Variants in ITPR2 observed in about 807,000 individuals in gnomAD.
ITPR2 encodes inositol 1,4,5-trisphosphate-gated calcium channel ITPR2.
Under a neutral mutation model 317.1 loss-of-function variants are expected in ITPR2, and 207 were observed. The ratio of observed to expected loss-of-function variants is 0.65; its 90% CI spans 0.58 to 0.73. The LOEUF is 0.73. Ranked by LOEUF, ITPR2 falls within the 30% of genes least tolerant of loss-of-function variation. The probability of loss-of-function intolerance (pLI) is 0.00; values close to 1 mark genes in which losing one functional copy is unlikely to be tolerated. For synonymous variants in ITPR2, 1,156 were observed against 1,149.1 expected (o/e 1.01, Z -0.12); for missense variants, 2,613 against 3,284.0 (o/e 0.80, Z 4.99).
intron 13 of ITPR2, among the ~76,000 whole-genome samples, chr12:26,680,416 A>C (rs898270083): frequency 3.3e-5 from 5 of 152,202 alleles, no homozygotes; most frequent in Non-Finnish European, 2.9e-5. Context: ...ATTTTATTAC[A>C]TCATTAAAAT....
intron 48 of ITPR2, among the ~76,000 whole-genome samples, chr12:26,430,005 T>C (rs780169907): frequency 6.6e-6 from 1 of 152,220 alleles, no homozygotes; most frequent in African/African-American, 2.4e-5. Context: ...TGCTGAGATA[T>C]CCCCTTGATC....
chr12:26,486,046 T>A (rs1942656955), intron 41 of ITPR2, 58 bp downstream of exon 41: 1 of 1,573,588 alleles, frequency 6.4e-7, no homozygotes, highest in African/African-American at 1.4e-5. Flanking sequence ...TTATTTGAAT[T>A]TAATTACTGA....
intron 2 of ITPR2, among the ~76,000 whole-genome samples, chr12:26,772,303 C>T (rs943984443): frequency 2.7e-5 from 4 of 150,600 alleles, no homozygotes; most frequent in South Asian, 2.1e-4. Flanking sequence ...CCTCATCACT[C>T]GAAACAGGAA....
chr12:26,411,599 G>C (rs1455761016), intron 51 of ITPR2, among the ~76,000 whole-genome samples, 187 bp from the exon 52 acceptor site: 1 of 152,180 alleles, frequency 6.6e-6, no homozygotes, highest in Non-Finnish European at 1.5e-5. Flanking sequence ...TTTATAAATG[G>C]AGAATAGCTT....
intron 2 of ITPR2, among the ~76,000 whole-genome samples, chr12:26,782,015 TATATATATATATATATATGTATAG>T (rs1339431854): frequency 3.2e-4 from 18 of 56,072 alleles, no homozygotes; most frequent in South Asian, 9.7e-4. Context: ...TATATATATA[TATATATATATATATATATGTATAG>T]AGAGAGAGAG....
intron 37 of ITPR2, among the ~76,000 whole-genome samples, chr12:26,542,573 T>C (rs113199608): frequency 0.031 from 4,760 of 152,308 alleles, 192 homozygotes; most frequent in African/African-American, 0.087. Flanking sequence ...GACAGTACTG[T>C]CTGATAATAA....
intron 2 of ITPR2, among the ~76,000 whole-genome samples, chr12:26,752,368 C>T (rs1397116507): frequency 6.6e-6 from 1 of 152,230 alleles, no homozygotes; most frequent in African/African-American, 2.4e-5. Context: ...GAGAGGAGAT[C>T]AACAGAAGAT....
At chr12:26,637,552 G>A (rs1946890566) in intron 21 of ITPR2, among the ~76,000 whole-genome samples, 1 of 152,132 alleles carries the variant, frequency 6.6e-6, no homozygotes, top group South Asian at 2.1e-4. Context: ...AAAATAGGTT[G>A]GGCCTTCTTG....
intron 13 of ITPR2, among the ~76,000 whole-genome samples, chr12:26,677,666 T>G (rs143706012): frequency 1.5e-4 from 23 of 152,162 alleles, no homozygotes; most frequent in African/African-American, 5.5e-4. Context: ...ATAAATAAAA[T>G]AGACTATCAG....
At chr12:26,704,629 A>G (rs1948517043) in intron 9 of ITPR2, among the ~76,000 whole-genome samples, 1 of 147,288 alleles carries the variant, frequency 6.8e-6, no homozygotes, top group Non-Finnish European at 1.5e-5. Flanking sequence ...ACTACTCTGC[A>G]TTTTCTCTCT....
At chr12:26,521,289 A>C in intron 37 of ITPR2, among the ~76,000 whole-genome samples, 1 of 152,198 alleles carries the variant, frequency 6.6e-6, no homozygotes, top group East Asian at 1.9e-4. Context: ...TATTTTTATA[A>C]GTGCAGCGCA....
chr12:26,701,184 A>G (rs1948439148), intron 9 of ITPR2, among the ~76,000 whole-genome samples: 1 of 152,220 alleles, frequency 6.6e-6, no homozygotes, highest in Non-Finnish European at 1.5e-5. Context: ...GGGCAGTGAA[A>G]GTCATGCTTG....
chr12:26,488,473 T>C (rs10842741), intron 39 of ITPR2, among the ~76,000 whole-genome samples: 126,492 of 151,918 alleles, frequency 0.83, 53,385 homozygotes, highest in Non-Finnish European at 0.91. Flanking sequence ...GGTTGCCTAC[T>C]CTGCAATTTT....
In ITPR2 at chr12:26,821,343, T is replaced by C. The variant is rs1014500479; in HGVS notation, c.92+11347A>G. ...GGGCATTGCCACTTGCCGTCATGGATATAAATGATTAATCCTGATCCAAGG... is the reference window on the plus strand; with the variant it reads ...GGGCATTGCCACTTGCCGTCATGGACATAAATGATTAATCCTGATCCAAGG... On this transcript the variant is annotated intron_variant, in intron 1 of 56. Coordinates refer to ENST00000381340, the MANE Select transcript of ITPR2 (RefSeq NM_002223.4). 2.6e-5 allele frequency among the ~76,000 whole-genome samples: 4 copies of C among 152,308 alleles called. No homozygotes were observed. The East Asian group carries it at 5.8e-4, about 22-fold the overall frequency.
At position 26,775,349 on chromosome 12, in the gene ITPR2, G is replaced by A. The variant is rs373701215; in HGVS notation, c.163+14808C>T. On this transcript the variant is annotated intron_variant, in intron 2 of 56. Coordinates refer to ENST00000381340, the MANE Select transcript of ITPR2 (RefSeq NM_002223.4). ...AAAGAACAAAACACAAGTTTATTAG[G>A]CTAAAACAAACCTAGAACAATGAGC... Among the ~76,000 whole-genome samples, 4 of 152,080 alleles carry A rather than the reference G, an allele frequency of 2.6e-5. 1 individual carries two copies. In the South Asian group the frequency reaches 8.3e-4, roughly 32 times the overall value.
At chr12:26,464,073 T>TCA (rs1305068771) in intron 45 of ITPR2, among the ~76,000 whole-genome samples, 1 of 152,210 alleles carries the variant, frequency 6.6e-6, no homozygotes, top group Non-Finnish European at 1.5e-5. Flanking sequence ...TTAACCTATT[T>TCA]CACCTATTTC....
chr12:26,417,442 G>A (rs553914781), intron 50 of ITPR2, among the ~76,000 whole-genome samples: 3 of 152,264 alleles, frequency 2.0e-5, no homozygotes, highest in African/African-American at 7.2e-5. Context: ...TCAAGGGAAG[G>A]ACCTGGTGGG....
intron 54 of ITPR2, 135 bp from the exon 55 acceptor site, chr12:26,387,729 A>T (rs1316781120): frequency 6.6e-6 from 5 of 759,100 alleles, no homozygotes; most frequent in Non-Finnish European, 1.0e-5. Flanking sequence ...AAATGCTATG[A>T]TTAAAAACAA....
At position 26,502,253 on chromosome 12, in the gene ITPR2, T is replaced by G. The variant is rs57200207; in HGVS notation, c.5074-6993A>C. ...TTGCTGAAATTCAGAGTTTGAGAAC[T>G]TATGCAATCCCTCACCAATAGGACT... On this transcript the variant is annotated intron_variant, in intron 37 of 56. Coordinates refer to ENST00000381340, the MANE Select transcript of ITPR2 (RefSeq NM_002223.4). 4.4e-3 allele frequency among the ~76,000 whole-genome samples: 672 copies of G among 152,340 alleles called. 2 individuals are homozygous for G. The highest frequency in any genetic ancestry group is 0.015 in the African/African-American group (644 of 41,576).
Sources: allele counts gnomAD v4.1 joint callset (sites outside exome capture counted in the v4.1 genomes callset), GRCh38; gene constraint gnomAD v4.1.1; transcripts MANE v1.5; gene names NCBI Gene and HGNC (gene_info 2026-07-23, HGNC 2026-07-21).